LUZP2: variants seen among roughly 807,000 people sequenced by gnomAD.
The protein encoded by LUZP2 is leucine zipper protein 2.
Under a neutral mutation model 51.6 loss-of-function variants are expected in LUZP2, and 52 were observed. That is an observed-to-expected ratio of 1.01 (90% CI 0.81 to 1.27). The LOEUF is 1.27. LUZP2 is among the 50% of genes most tolerant of loss of function. LUZP2 has a pLI of 0.00. For missense variants in LUZP2, 436 were observed against 395.4 expected, an observed-to-expected ratio of 1.10 and a Z score of -0.87; for synonymous variants, 154 against 137.3, an observed-to-expected ratio of 1.12 and a Z score of -0.85.
intron 1 of LUZP2, among the ~76,000 whole-genome samples, chr11:24,529,902 T>C (rs954119083): frequency 8.6e-5 from 13 of 150,982 alleles, no homozygotes; most frequent in Non-Finnish European, 1.3e-4. Context: ...TTAATAGATA[T>C]CTCTATTTTA....
intron 7 of LUZP2, among the ~76,000 whole-genome samples, chr11:24,967,658 AT>A (rs1855628390): frequency 6.6e-6 from 1 of 151,078 alleles, no homozygotes; most frequent in Non-Finnish European, 1.5e-5. Flanking sequence ...TGCCATCTTC[AT>A]TTTTTTAATG....
chr11:24,736,692 A>G (rs2716447), intron 3 of LUZP2, among the ~76,000 whole-genome samples: 95,042 of 151,656 alleles, frequency 0.63, 29,928 homozygotes, highest in Middle Eastern at 0.68. Flanking sequence ...ATGTAGGTAT[A>G]TATTATATTA....
At chr11:24,536,508 T>C (rs1383331829) in intron 1 of LUZP2, among the ~76,000 whole-genome samples, 1 of 151,824 alleles carries the variant, frequency 6.6e-6, no homozygotes, top group Non-Finnish European at 1.5e-5. Flanking sequence ...GATGGCCTCT[T>C]TCCTTAAATC....
rs145522474 is a variant in LUZP2 at position 24,616,775 on chromosome 11, T to C, written c.63-112394T>C. Among the ~76,000 whole-genome samples the C allele has an allele frequency of 2.5e-4, 38 of 152,306 alleles. No homozygotes were observed. The East Asian group carries it at 6.6e-3, about 26-fold the overall frequency. ...TTATTCTTCTTTTCAATATCATTTG[T>C]TCTGGTTTACATCTCCTGCCTTTCC... On this transcript the variant is annotated intron_variant, in intron 1 of 11. Transcript: ENST00000336930.
chr11:24,969,279 G>C (rs1855678762), intron 7 of LUZP2, among the ~76,000 whole-genome samples: 1 of 152,034 alleles, frequency 6.6e-6, no homozygotes. Context: ...TTCTGTTCCT[G>C]TGTTAGTTTG....
At chr11:24,566,670 A>G (rs949966127) in intron 1 of LUZP2, among the ~76,000 whole-genome samples, 3 of 147,186 alleles carry the variant, frequency 2.0e-5, no homozygotes, top group Admixed American at 6.9e-5. Flanking sequence ...CTTTAGCCTG[A>G]GATCCTGTGT....
chr11:24,811,547 A>G (rs991883918), intron 5 of LUZP2, among the ~76,000 whole-genome samples: 1 of 151,834 alleles, frequency 6.6e-6, no homozygotes, highest in Non-Finnish European at 1.5e-5. Flanking sequence ...GGTTTGTTAC[A>G]TAGATAAATT....
At chr11:25,070,213 A>T (rs1859113536) in intron 10 of LUZP2, among the ~76,000 whole-genome samples, 1 of 151,938 alleles carries the variant, frequency 6.6e-6, no homozygotes, top group Non-Finnish European at 1.5e-5. Context: ...GAAAAGATTC[A>T]CTTATCCTTT....
At chr11:24,742,284 T>C (rs889406483) in intron 4 of LUZP2, among the ~76,000 whole-genome samples, 2 of 151,778 alleles carry the variant, frequency 1.3e-5, no homozygotes, top group Admixed American at 1.3e-4. Flanking sequence ...CACACTGTTT[T>C]CCACAGTGGC....
intron 1 of LUZP2, among the ~76,000 whole-genome samples, chr11:24,526,722 CAAAATT>C (rs1252684302): frequency 6.6e-6 from 1 of 151,170 alleles, no homozygotes; most frequent in Non-Finnish European, 1.5e-5. Flanking sequence ...AAGAACCTGT[CAAAATT>C]AAGTATACTT....
intron 1 of LUZP2, among the ~76,000 whole-genome samples, chr11:24,727,672 A>T (rs888150202): frequency 5.3e-5 from 8 of 152,050 alleles, no homozygotes; most frequent in African/African-American, 1.9e-4. Flanking sequence ...TAACTTTGCC[A>T]GTGAGACTGA....
chr11:24,763,304 A>G lies in LUZP2; in HGVS notation c.392A>G (p.Asn131Ser). The change falls in exon 5 of 12, where the codon AAT (asparagine) becomes AGT (serine). Residue 131 changes from asparagine (N) to serine (S), a missense_variant. Asn to Ser is a conservative substitution (Grantham distance 46). Transcript: ENST00000336930. ...AGCAAAATGATCCGAGACCTCCAGA[A>G]TGAGGTAAGATATATTTCATCTTAG... is the stretch of plus-strand genomic sequence containing the variant. The part of the protein sequence containing the change: ...RKSKMIRDLQ[N>S]ENKSLKNKLL... The G allele has an allele frequency of 7.4e-7, 1 of 1,352,964 alleles. No individual in the cohort carries two copies. The highest frequency in any genetic ancestry group is 9.8e-7 in the Non-Finnish European group (1 of 1,016,704). The allele number at this position is 1,352,964 out of a possible 1,614,324, so 83.8% of individuals were successfully genotyped here.
chr11:24,673,029 A>G (rs996453372), intron 1 of LUZP2, among the ~76,000 whole-genome samples: 1 of 152,132 alleles, frequency 6.6e-6, no homozygotes. Flanking sequence ...CCCTATAAGA[A>G]TCTCACACCT....
chr11:24,858,598 T>C (rs1851639308), intron 5 of LUZP2, among the ~76,000 whole-genome samples: 1 of 152,152 alleles, frequency 6.6e-6, no homozygotes, highest in Non-Finnish European at 1.5e-5. Context: ...TATTGCCAAA[T>C]GCAAAGAAAC....
At chr11:24,816,628 T>G (rs1193319795) in intron 5 of LUZP2, among the ~76,000 whole-genome samples, 4 of 152,132 alleles carry the variant, frequency 2.6e-5, no homozygotes, top group Admixed American at 1.3e-4. Flanking sequence ...TCTTTGTCAT[T>G]CAGTAATCTG....
At chr11:24,635,789 G>A (rs866926612) in intron 1 of LUZP2, among the ~76,000 whole-genome samples, 2 of 152,120 alleles carry the variant, frequency 1.3e-5, no homozygotes, top group South Asian at 2.1e-4. Context: ...CCCACAGACA[G>A]CGTTGACTAA....
At chr11:25,037,001 ATC>A (rs1367448377) in intron 9 of LUZP2, among the ~76,000 whole-genome samples, 1 of 152,036 alleles carries the variant, frequency 6.6e-6, no homozygotes, top group Non-Finnish European at 1.5e-5. Flanking sequence ...TTAGACTAGA[ATC>A]TCTTTTTTAG....
chr11:24,944,633 C>G (rs1055440469), intron 7 of LUZP2, among the ~76,000 whole-genome samples: 1 of 152,040 alleles, frequency 6.6e-6, no homozygotes, highest in African/African-American at 2.4e-5. Flanking sequence ...GAGATTTGAA[C>G]TCAAGATTGG....
chr11:24,790,189 C>CT (rs1052948349), intron 5 of LUZP2, among the ~76,000 whole-genome samples: 1 of 152,048 alleles, frequency 6.6e-6, no homozygotes, highest in Non-Finnish European at 1.5e-5. Flanking sequence ...CAGCTACTGC[C>CT]TTTTTTTGTG....
Sources: allele counts gnomAD v4.1 joint callset (sites outside exome capture counted in the v4.1 genomes callset), GRCh38; gene constraint gnomAD v4.1.1; transcripts MANE v1.5; gene names NCBI Gene and HGNC (gene_info 2026-07-23, HGNC 2026-07-21).